HTRA3: variants seen among roughly 807,000 people sequenced by gnomAD.
HTRA3 encodes serine protease HTRA3.
A neutral mutation model predicts 43.2 loss-of-function variants in HTRA3; 41 were observed. The observed-to-expected ratio is 0.95, with a 90% confidence interval of 0.74 to 1.23. HTRA3 has a LOEUF of 1.23. HTRA3 is among the 50% of genes most tolerant of loss of function. The pLI, the probability that HTRA3 is intolerant of heterozygous loss-of-function variation, is 0.00. For missense variants in HTRA3, 628 were observed against 647.1 expected, an observed-to-expected ratio of 0.97 and a Z score of 0.32; for synonymous variants, 295 against 287.9, an observed-to-expected ratio of 1.02 and a Z score of -0.25.
At chr4:8,305,840 G>C in intron 8 of HTRA3, 131 bp from the exon 9 acceptor site, 1 of 981,504 alleles carries the variant, frequency 1.0e-6, no homozygotes, top group Non-Finnish European at 1.6e-6. Context: ...CTGGGGCACT[G>C]TTCTTTCCCA....
Position 8,306,530 on chromosome 4 carries a change from T to C in HTRA3, c.*394T>C. 5.8e-6 allele frequency: 1 copy of C among 173,388 alleles called. No individual in the cohort carries two copies. 10.7% of individuals were successfully genotyped at this position (173,388 alleles called of 1,614,324 possible). On this transcript the variant is annotated 3_prime_UTR_variant, in exon 9 of 9. Transcript: ENST00000307358. This position sits in a 1 kb window ranked among gnomAD's most constrained non-coding sequence, Gnocchi z 8.9. ...TGCAGGTCTGGGCTGCCAAGCTTCT[T>C]CCCCCCTGACAAACGCCCACCTGAC...
chr4:8,299,318 T>A (rs1032219054), intron 6 of HTRA3, among the ~76,000 whole-genome samples: 1 of 152,240 alleles, frequency 6.6e-6, no homozygotes, highest in Non-Finnish European at 1.5e-5. Flanking sequence ...TTAAAATGAT[T>A]TTTGGATGTT....
intron 1 of HTRA3, among the ~76,000 whole-genome samples, chr4:8,271,186 C>T (rs532908822): frequency 2.0e-5 from 3 of 151,842 alleles, no homozygotes; most frequent in East Asian, 3.9e-4. Context: ...TGGGGAGCAC[C>T]AACTGCCGGG....
At position 8,286,301 on chromosome 4, in the gene HTRA3, G is replaced by A. The variant is rs376802016; in HGVS notation, c.486-260G>A. Among the ~76,000 whole-genome samples the A allele has an allele frequency of 5.7e-4, 87 of 152,268 alleles. 2 individuals carry two copies. In the South Asian group the frequency reaches 0.016, roughly 28 times the overall value. ...CAAGCTGGGAGTCATCTGACATGTC[G>A]CAGGCAGCCTGTCTCATCTCAGCAA... On this transcript the variant is annotated intron_variant, in intron 2 of 8. Coordinates refer to ENST00000307358, the MANE Select transcript of HTRA3 (RefSeq NM_053044.5). This position sits in a 1 kb window ranked among gnomAD's most constrained non-coding sequence, Gnocchi z 4.9.
At chr4:8,277,861 C>T (rs1712589957) in intron 1 of HTRA3, among the ~76,000 whole-genome samples, 1 of 152,336 alleles carries the variant, frequency 6.6e-6, no homozygotes, top group East Asian at 1.9e-4. Context: ...CAGCTGACCA[C>T]TGGGTGGCAG....
chr4:8,287,593 A>G (rs2153005452), intron 3 of HTRA3, among the ~76,000 whole-genome samples: 1 of 152,104 alleles, frequency 6.6e-6, no homozygotes, highest in East Asian at 1.9e-4. Context: ...TTTTAAAACC[A>G]TCAGATCTCG....
At chr4:8,299,259 T>C (rs1713558008) in intron 6 of HTRA3, among the ~76,000 whole-genome samples, 1 of 152,254 alleles carries the variant, frequency 6.6e-6, no homozygotes, top group Admixed American at 6.5e-5. Flanking sequence ...ATAAATGATG[T>C]ATTCTTTTAA....
In HTRA3 at chr4:8,291,396, T is replaced by C; in HGVS notation, c.735T>C (p.Gly245=). 2 of 1,613,564 alleles carry C rather than the reference T, an allele frequency of 1.2e-6. No homozygotes were observed. Among genetic ancestry groups the C allele is most frequent in the Non-Finnish European group, 1.7e-6 (2 of 1,180,016 alleles). ...AAAAGCTCCCTGTGTTGTTGCTGGG[T>C]CACTCGGCCGACCTGCGGCCTGGGG... ...PKKKLPVLLL[G]HSADLRPGEF... The change falls in exon 4 of 9, where the codon GGT becomes GGC. Residue 245 remains glycine (G), a synonymous_variant. Transcript: ENST00000307358.
Position 8,270,320 on chromosome 4 carries a change from G to A in HTRA3, c.352G>A (p.Val118Met). 2 of 1,451,912 alleles carry A rather than the reference G, an allele frequency of 1.4e-6. No homozygotes were observed. Among genetic ancestry groups the A allele is most frequent in the African/African-American group, 1.5e-5 (1 of 67,266 alleles). 89.9% of individuals were successfully genotyped at this position (1,451,912 alleles called of 1,614,324 possible). The change falls in exon 1 of 9, where the codon GTG becomes ATG. Residue 118 changes from valine to methionine, a missense_variant. Physicochemically the swap from Val to Met is conservative, Grantham distance 21. Transcript: ENST00000307358. ...RRALQLSGTP[V>M]RQLQKGACPL... The stretch of plus-strand genomic sequence containing the variant: ...CGCGCTGCAGCTCTCCGGGACGCCC[G>A]TGCGCCAGCTGCAGAAGGGCGCCTG...
chr4:8,271,221 T>G (rs1393127124), intron 1 of HTRA3, among the ~76,000 whole-genome samples: 1 of 117,434 alleles, frequency 8.5e-6, no homozygotes, highest in African/African-American at 4.9e-5. Flanking sequence ...TGCAGAGGGC[T>G]TCCTCATTTT....
At chr4:8,280,744 T>C (rs908179351) in intron 1 of HTRA3, among the ~76,000 whole-genome samples, 7 of 152,124 alleles carry the variant, frequency 4.6e-5, no homozygotes, top group Admixed American at 4.6e-4. Context: ...GGCCGGCGTC[T>C]CCCAGCCAGG....
chr4:8,277,893 G>A (rs1262896761), intron 1 of HTRA3, among the ~76,000 whole-genome samples: 4 of 152,192 alleles, frequency 2.6e-5, no homozygotes, highest in Non-Finnish European at 5.9e-5. Flanking sequence ...AATTGCAGAG[G>A]GCACTAAAAG....
rs554386375 is a variant in HTRA3, at chr4:8,291,827, C to T, written c.903+263C>T. 9.2e-5 allele frequency among the ~76,000 whole-genome samples: 14 copies of T among 152,322 alleles called. No individual in the cohort carries two copies. The East Asian group carries it at 1.5e-3, about 17-fold the overall frequency. The stretch of plus-strand genomic sequence containing the variant: ...GAGAAACAGAGGCATGGCCACAGCC[C>T]GCAAACACCTTTGCCCAGCTTACAC... On this transcript the variant is annotated intron_variant, in intron 4 of 8. Coordinates refer to ENST00000307358, the MANE Select transcript of HTRA3 (RefSeq NM_053044.5).
intron 4 of HTRA3, 120 bp downstream of exon 4, chr4:8,291,684 C>T (rs1713250176): frequency 4.3e-6 from 3 of 696,732 alleles, no homozygotes; most frequent in African/African-American, 3.6e-5. Context: ...TCGACACATC[C>T]ACTTGCTAGA....
chr4:8,303,439 G>A (rs1203699604), intron 7 of HTRA3, among the ~76,000 whole-genome samples: 1 of 152,216 alleles, frequency 6.6e-6, no homozygotes, highest in Admixed American at 6.5e-5. Context: ...AGAGGAAGCA[G>A]GGGCAGGATA....
intron 6 of HTRA3, 69 bp downstream of exon 6, chr4:8,294,270 C>T (rs1480489025): frequency 1.7e-6 from 2 of 1,186,282 alleles, no homozygotes; most frequent in Non-Finnish European, 2.4e-6. Flanking sequence ...CCTTAACACC[C>T]CAGCCCTGGG....
chr4:8,279,508 G>A lies in HTRA3; in HGVS notation c.386-2929G>A, dbSNP rs1018835637. On this transcript the variant is annotated intron_variant, in intron 1 of 8. Coordinates refer to ENST00000307358, the MANE Select transcript of HTRA3 (RefSeq NM_053044.5). This position sits in a 1 kb window ranked among gnomAD's most constrained non-coding sequence, Gnocchi z 7.4. ...AGCTCAGGGGCCCAGCAGCCCAGGC[G>A]CTTGAGGGGGTCCAGGGGCTGGGCT... is the stretch of plus-strand genomic sequence containing the variant. Among the ~76,000 whole-genome samples, 1 of 152,258 alleles carries A rather than the reference G, an allele frequency of 6.6e-6. No individual in the cohort carries two copies. Among genetic ancestry groups the A allele is most frequent in the South Asian group, 2.1e-4 (1 of 4,822 alleles).
At chr4:8,276,970 G>A (rs1578788643) in intron 1 of HTRA3, among the ~76,000 whole-genome samples, 2 of 152,330 alleles carry the variant, frequency 1.3e-5, no homozygotes, top group African/African-American at 4.8e-5. Context: ...CACAAACTTC[G>A]GAGCCCAGCC....
intron 1 of HTRA3, among the ~76,000 whole-genome samples, chr4:8,281,084 A>T (rs73081600): frequency 0.043 from 6,585 of 152,130 alleles, 246 homozygotes; most frequent in African/African-American, 0.096. Context: ...AATAGAGGAA[A>T]AGTTTCCTTC....
Sources: allele counts gnomAD v4.1 joint callset (sites outside exome capture counted in the v4.1 genomes callset), GRCh38; gene constraint gnomAD v4.1.1; non-coding constraint Gnocchi (gnomAD v3.1); transcripts MANE v1.5; gene names NCBI Gene and HGNC (gene_info 2026-07-23, HGNC 2026-07-21).